Variants in ATG7 observed in about 807,000 individuals in gnomAD.
ATG7 encodes ubiquitin-like modifier-activating enzyme ATG7.
Under a neutral mutation model 82.4 loss-of-function variants are expected in ATG7, and 70 were observed. That is an observed-to-expected ratio of 0.85 (90% CI 0.70 to 1.04). The LOEUF is 1.04. Ranked by LOEUF, ATG7 falls within the 50% of genes least tolerant of loss-of-function variation. The pLI is 0.00. For missense variants in ATG7, 792 were observed against 864.3 expected (o/e 0.92, Z 1.05); for synonymous variants, 287 against 313.0 (o/e 0.92, Z 0.88).
intron 11 of ATG7, among the ~76,000 whole-genome samples, chr3:11,334,687 G>A (rs1470007085): frequency 2.6e-5 from 4 of 151,700 alleles, no homozygotes; most frequent in Non-Finnish European, 5.9e-5. Flanking sequence ...GCCAGGCGCC[G>A]TGGGTTATGC....
chr3:11,462,081 A>G (rs1447190797), intron 20 of ATG7, among the ~76,000 whole-genome samples: 1 of 152,018 alleles, frequency 6.6e-6, no homozygotes, highest in Non-Finnish European at 1.5e-5. Flanking sequence ...GACAACTCCA[A>G]ATAACTCGAG....
chr3:11,567,488 C>T, the ATG7 span, among the ~76,000 whole-genome samples: 3 of 152,136 alleles, frequency 2.0e-5, no homozygotes, highest in Admixed American at 1.3e-4. Flanking sequence ...AATGTTCTGG[C>T]AGAGTCTAGA....
intron 19 of ATG7, among the ~76,000 whole-genome samples, chr3:11,399,410 A>G (rs1376992718): frequency 6.6e-6 from 1 of 152,240 alleles, no homozygotes; most frequent in Non-Finnish European, 1.5e-5. Flanking sequence ...GTTAAAAAAC[A>G]AAATGAAGTG....
intron 18 of ATG7, among the ~76,000 whole-genome samples, chr3:11,377,806 G>A (rs1031492167): frequency 6.6e-6 from 1 of 152,090 alleles, no homozygotes; most frequent in Admixed American, 6.5e-5. Context: ...TCCAGAGCTC[G>A]TGAAGATTTC....
chr3:11,284,303 G>A (rs1213304010), intron 3 of ATG7, among the ~76,000 whole-genome samples: 2 of 152,188 alleles, frequency 1.3e-5, no homozygotes, highest in Admixed American at 6.5e-5. Context: ...ACTCCAGGAA[G>A]CACTCCTGCT....
intron 20 of ATG7, among the ~76,000 whole-genome samples, chr3:11,530,128 A>C (rs2092666356): frequency 6.6e-6 from 1 of 152,208 alleles, no homozygotes; most frequent in Admixed American, 6.5e-5. Flanking sequence ...TGGATGACCC[A>C]TGCAGAAAGA....
At chr3:11,409,585 ATC>A (rs143678037) in intron 19 of ATG7, among the ~76,000 whole-genome samples, 5,847 of 152,314 alleles carry the variant, frequency 0.038, 122 homozygotes, top group African/African-American at 0.051. Flanking sequence ...GTTGATGAGC[ATC>A]TGTTTTTCTT....
intron 20 of ATG7, among the ~76,000 whole-genome samples, chr3:11,527,015 T>G (rs2092591908): frequency 6.7e-6 from 1 of 149,590 alleles, no homozygotes; most frequent in African/African-American, 2.4e-5. Flanking sequence ...ACTATATATA[T>G]AGTATATATA....
intron 19 of ATG7, among the ~76,000 whole-genome samples, chr3:11,394,050 A>G (rs1251615078): frequency 6.6e-6 from 1 of 152,130 alleles, no homozygotes; most frequent in Admixed American, 6.5e-5. Flanking sequence ...GAGATGTTGT[A>G]TCCCCCACTC....
At chr3:11,380,360 C>G (rs996536617) in intron 19 of ATG7, among the ~76,000 whole-genome samples, 1 of 152,186 alleles carries the variant, frequency 6.6e-6, no homozygotes, top group African/African-American at 2.4e-5. Context: ...CCAGAGGGTT[C>G]CCTCCTAGCC....
At chr3:11,366,435 G>C (rs980634219) in intron 18 of ATG7, among the ~76,000 whole-genome samples, 1 of 151,976 alleles carries the variant, frequency 6.6e-6, no homozygotes. Flanking sequence ...CTTTTCTACA[G>C]AGACATTTCA....
chr3:11,452,031 TG>T (rs1242986419), intron 20 of ATG7, among the ~76,000 whole-genome samples: 1 of 146,042 alleles, frequency 6.8e-6, no homozygotes. Flanking sequence ...GTTGGGGGGT[TG>T]TGGGAGGGAA....
At chr3:11,561,120 A>G (rs1181593214), downstream of ATG7, among the ~76,000 whole-genome samples, 1 of 142,620 alleles carries the variant, frequency 7.0e-6, no homozygotes, top group African/African-American at 2.8e-5. Flanking sequence ...CTTGGGCTCT[A>G]GGAGACCCCC....
chr3:11,351,260 TATC>T (rs1175156972), intron 14 of ATG7, among the ~76,000 whole-genome samples: 3 of 152,188 alleles, frequency 2.0e-5, no homozygotes, highest in East Asian at 1.9e-4. Flanking sequence ...CACAAATACT[TATC>T]ATTGTAATAC....
chr3:11,532,693 A>G (rs1457176824), intron 20 of ATG7, among the ~76,000 whole-genome samples: 1 of 152,200 alleles, frequency 6.6e-6, no homozygotes, highest in Non-Finnish European at 1.5e-5. Context: ...ACTGCACTCC[A>G]GTCTAGGTGA....
intron 20 of ATG7, chr3:11,510,260 G>A (rs1476504237): frequency 2.2e-6 from 1 of 456,618 alleles, no homozygotes; most frequent in Non-Finnish European, 4.4e-6. Flanking sequence ...GGAGTCGGCT[G>A]CCTGTCCTGA....
intron 18 of ATG7, among the ~76,000 whole-genome samples, chr3:11,379,538 T>C (rs1000605746): frequency 6.6e-6 from 1 of 152,222 alleles, no homozygotes; most frequent in Non-Finnish European, 1.5e-5. Flanking sequence ...CAAGCCATCT[T>C]TCCTTGTGAG....
intron 20 of ATG7, among the ~76,000 whole-genome samples, chr3:11,500,096 T>C (rs1003826548): frequency 1.3e-5 from 2 of 152,126 alleles, no homozygotes; most frequent in African/African-American, 2.4e-5. Context: ...TGAGTGGAGG[T>C]TGGCTTAGAT....
At chr3:11,375,081 G>A (rs1412760212) in intron 18 of ATG7, among the ~76,000 whole-genome samples, 1 of 151,522 alleles carries the variant, frequency 6.6e-6, no homozygotes, top group African/African-American at 2.4e-5. Context: ...TGAGTGTGGT[G>A]GTGTGTTCCT....
Sources: gnomAD v4.1 joint callset for allele counts (sites outside exome capture counted in the v4.1 genomes callset) on GRCh38, gnomAD v4.1.1 for gene constraint, MANE v1.5 for transcripts, NCBI Gene and HGNC (gene_info 2026-07-23, HGNC 2026-07-21) for gene names.